CTNND2: variants seen among roughly 807,000 people sequenced by gnomAD.
The protein encoded by CTNND2 is catenin delta 2.
In CTNND2, 22 loss-of-function variants were observed where a neutral mutation model predicts 144.4. The observed-to-expected ratio is 0.15, with a 90% CI of 0.11 to 0.22. The LOEUF (loss-of-function observed/expected upper bound fraction) is 0.22. Ranked by LOEUF, CTNND2 falls within the 10% of genes least tolerant of loss-of-function variation. The probability of loss-of-function intolerance (pLI) is 1.00; values close to 1 mark genes in which losing one functional copy is unlikely to be tolerated. For missense variants in CTNND2, 1,353 were observed against 1,618.8 expected, an observed-to-expected ratio of 0.84 and a Z score of 2.82; for synonymous variants, 751 against 695.6, an observed-to-expected ratio of 1.08 and a Z score of -1.25.
At chr5:10,999,228 C>T (rs1355181414) in intron 18 of CTNND2, among the ~76,000 whole-genome samples, 2 of 152,234 alleles carry the variant, frequency 1.3e-5, no homozygotes, top group Non-Finnish European at 2.9e-5. Flanking sequence ...AGCTAGCAAT[C>T]AATCTATTAT....
intron 15 of CTNND2, among the ~76,000 whole-genome samples, chr5:11,086,014 C>T (rs1012443202): frequency 6.6e-6 from 1 of 152,220 alleles, no homozygotes; most frequent in Non-Finnish European, 1.5e-5. Flanking sequence ...TGGGAGGATT[C>T]GTGTAGCCCC....
chr5:11,070,994 G>A (rs909941171), intron 16 of CTNND2, among the ~76,000 whole-genome samples: 13 of 151,740 alleles, frequency 8.6e-5, no homozygotes, highest in African/African-American at 2.7e-4. Flanking sequence ...GGGAGGAGAG[G>A]AGAGGGGGAG....
At chr5:11,096,499 CT>C (rs1239120538) in intron 15 of CTNND2, among the ~76,000 whole-genome samples, 3 of 152,064 alleles carry the variant, frequency 2.0e-5, no homozygotes, top group African/African-American at 7.2e-5. Flanking sequence ...TGAACTCATC[CT>C]TTTTTATGGA....
At chr5:11,118,983 T>C (rs1209622137) in intron 12 of CTNND2, among the ~76,000 whole-genome samples, 1 of 152,062 alleles carries the variant, frequency 6.6e-6, no homozygotes, top group Non-Finnish European at 1.5e-5. Flanking sequence ...CTCTCTTGGC[T>C]CTTTGAACCT....
At chr5:11,002,537 A>G (rs1010974836) in intron 18 of CTNND2, among the ~76,000 whole-genome samples, 2 of 152,192 alleles carry the variant, frequency 1.3e-5, no homozygotes, top group South Asian at 4.1e-4. Context: ...GGGAGAGTGA[A>G]TATTTCAAGG....
At chr5:11,563,609 G>A (rs1391225340) in intron 3 of CTNND2, among the ~76,000 whole-genome samples, 1 of 152,118 alleles carries the variant, frequency 6.6e-6, no homozygotes, top group Non-Finnish European at 1.5e-5. Context: ...GTACGTATTT[G>A]CAGCAACATA....
intron 10 of CTNND2, among the ~76,000 whole-genome samples, chr5:11,220,531 CTCCATTT>C: frequency 6.6e-6 from 1 of 152,280 alleles, no homozygotes; most frequent in East Asian, 1.9e-4. Flanking sequence ...TTTCATTTGT[CTCCATTT>C]TCCCTGGACC....
intron 10 of CTNND2, among the ~76,000 whole-genome samples, chr5:11,229,188 A>G (rs572308905): frequency 6.6e-6 from 1 of 152,350 alleles, no homozygotes; most frequent in East Asian, 1.9e-4. Flanking sequence ...TCACATATAA[A>G]GTCACATAAT....
chr5:11,032,811 T>C (rs1234698168), intron 16 of CTNND2, among the ~76,000 whole-genome samples: 1 of 152,188 alleles, frequency 6.6e-6, no homozygotes, highest in Admixed American at 6.5e-5. Flanking sequence ...AATAACAAAA[T>C]TATAGAGATG....
chr5:11,868,657 T>TGAG (rs1291881445), intron 1 of CTNND2, among the ~76,000 whole-genome samples: 5 of 152,138 alleles, frequency 3.3e-5, no homozygotes. Flanking sequence ...AATTGGATCA[T>TGAG]GAGGGATCTA....
intron 11 of CTNND2, among the ~76,000 whole-genome samples, chr5:11,176,875 C>A (rs1365184598): frequency 6.6e-6 from 1 of 152,120 alleles, no homozygotes; most frequent in Admixed American, 6.5e-5. Context: ...GGATTCATGG[C>A]ACTGCCCTAC....
At chr5:11,397,785 C>G (rs549893475) in intron 5 of CTNND2, among the ~76,000 whole-genome samples, 39 of 152,146 alleles carry the variant, frequency 2.6e-4, no homozygotes, top group Non-Finnish European at 5.0e-4. Flanking sequence ...CTTTACCATC[C>G]CAGCAGTGCA....
intron 1 of CTNND2, among the ~76,000 whole-genome samples, chr5:11,889,238 A>T (rs1390087283): frequency 1.3e-5 from 2 of 152,044 alleles, no homozygotes; most frequent in Non-Finnish European, 2.9e-5. Context: ...CCTTCCACTG[A>T]GCTCTGAGAT....
chr5:11,374,738 C>A (rs925189690), intron 7 of CTNND2, among the ~76,000 whole-genome samples: 1 of 149,662 alleles, frequency 6.7e-6, no homozygotes, highest in Non-Finnish European at 1.5e-5. Flanking sequence ...ACGAATATTT[C>A]CATGGAAATA....
chr5:11,084,905 T>C (rs757932614), intron 15 of CTNND2, among the ~76,000 whole-genome samples: 4 of 152,138 alleles, frequency 2.6e-5, no homozygotes, highest in Non-Finnish European at 5.9e-5. Flanking sequence ...GCTGCTGACA[T>C]TATACCCCCT....
intron 14 of CTNND2, among the ~76,000 whole-genome samples, chr5:11,109,699 C>T (rs1752763230): frequency 6.6e-6 from 1 of 151,996 alleles, no homozygotes; most frequent in Non-Finnish European, 1.5e-5. Flanking sequence ...TATAAGCATA[C>T]ATTAACTTAG....
chr5:11,121,441 AG>A (rs1754128052), intron 12 of CTNND2, among the ~76,000 whole-genome samples: 2 of 152,196 alleles, frequency 1.3e-5, no homozygotes, highest in Non-Finnish European at 2.9e-5. Flanking sequence ...ATTTGTTAGA[AG>A]CACAAAAATG....
At chr5:11,680,308 C>T (rs1186879213) in intron 2 of CTNND2, among the ~76,000 whole-genome samples, 1 of 152,112 alleles carries the variant, frequency 6.6e-6, no homozygotes, top group Non-Finnish European at 1.5e-5. Flanking sequence ...GTGGTTTCCA[C>T]ACTCAACAAT....
At chr5:11,353,600 C>T (rs540225431) in intron 8 of CTNND2, among the ~76,000 whole-genome samples, 6 of 152,136 alleles carry the variant, frequency 3.9e-5, no homozygotes, top group African/African-American at 1.2e-4. Flanking sequence ...GTCAGGAGTT[C>T]GAGACCAGCC....
Sources: allele counts gnomAD v4.1 joint callset (sites outside exome capture counted in the v4.1 genomes callset), GRCh38; gene constraint gnomAD v4.1.1; transcripts MANE v1.5; gene names NCBI Gene and HGNC (gene_info 2026-07-23, HGNC 2026-07-21).